The following PTPRD variants were observed in gnomAD, a reference collection of about 807,000 sequenced individuals.
PTPRD encodes protein tyrosine phosphatase receptor type D.
PTPRD carries 34 observed loss-of-function variants against 214.5 expected under a neutral mutation model. That is an observed-to-expected ratio of 0.16 (90% CI 0.12 to 0.21). The LOEUF is 0.21. Ranked by LOEUF, PTPRD falls within the 10% of genes least tolerant of loss-of-function variation. PTPRD has a pLI of 1.00. For synonymous variants in PTPRD, 1,128 were observed against 845.7 expected (o/e 1.33, Z -5.79); for missense variants, 2,545 against 2,398.7 (o/e 1.06, Z -1.27).
intron 11 of PTPRD, among the ~76,000 whole-genome samples, chr9:8,960,078 T>G (rs756664679): frequency 2.0e-5 from 3 of 152,060 alleles, no homozygotes; most frequent in Non-Finnish European, 2.9e-5. Flanking sequence ...TAGATGCCTT[T>G]TAGTTCATAT....
chr9:10,138,301 A>G (rs750776377), intron 3 of PTPRD, among the ~76,000 whole-genome samples: 1 of 152,118 alleles, frequency 6.6e-6, no homozygotes, highest in Non-Finnish European at 1.5e-5. Context: ...ACATGAATAC[A>G]TTCCTAGAAA....
At chr9:10,408,700 G>T (rs1008721417) in intron 2 of PTPRD, among the ~76,000 whole-genome samples, 1 of 151,676 alleles carries the variant, frequency 6.6e-6, no homozygotes, top group Non-Finnish European at 1.5e-5. Context: ...TACTGGTACT[G>T]TATTTATCGT....
chr9:9,164,775 G>T (rs1205699701), intron 10 of PTPRD, among the ~76,000 whole-genome samples: 1 of 152,046 alleles, frequency 6.6e-6, no homozygotes, highest in African/African-American at 2.4e-5. Context: ...CACTTTGGGA[G>T]GCTGAGGCGG....
At chr9:9,997,367 C>T (rs374526266) in intron 4 of PTPRD, among the ~76,000 whole-genome samples, 1 of 150,646 alleles carries the variant, frequency 6.6e-6, no homozygotes, top group South Asian at 2.1e-4. Context: ...CTCACCGCAA[C>T]CTCTGCCTCC....
chr9:9,638,674 T>C (rs954289754), intron 7 of PTPRD, among the ~76,000 whole-genome samples: 16 of 152,224 alleles, frequency 1.1e-4, no homozygotes, highest in African/African-American at 3.9e-4. Flanking sequence ...ACCACTTCTA[T>C]ATATTTAGGT....
In PTPRD at chr9:9,840,733, A is replaced by AGCCT. The variant is rs542155720; in HGVS notation, c.-367-73886_-367-73883dup. Among the ~76,000 whole-genome samples the AGCCT allele has an allele frequency of 5.0e-5, 6 of 119,594 alleles. No homozygotes were observed. The South Asian group carries it at 1.8e-3, about 36-fold the overall frequency. 78.5% of individuals were successfully genotyped at this position (119,594 alleles called of 152,430 possible). ...AGCCAAGATGGCACCACTGCACTCC[A>AGCCT]GCCTGGCGACAGAGCAAGACTCCGT... is the stretch of plus-strand genomic sequence containing the variant. On this transcript the variant is annotated intron_variant, in intron 5 of 45. Transcript: ENST00000381196.
At chr9:9,929,878 C>A (rs2085779886) in intron 5 of PTPRD, among the ~76,000 whole-genome samples, 1 of 152,186 alleles carries the variant, frequency 6.6e-6, no homozygotes, top group African/African-American at 2.4e-5. Context: ...TACAGCTGGT[C>A]TGTTTTCTTT....
At chr9:9,333,526 A>ATATATATATATATAT (rs1569567452) in intron 9 of PTPRD, among the ~76,000 whole-genome samples, 6 of 142,646 alleles carry the variant, frequency 4.2e-5, no homozygotes, top group African/African-American at 1.7e-4. Flanking sequence ...ATATATATAT[A>ATATATATATATATAT]AAGTCTGCAA....
At chr9:10,576,990 G>C (rs537954460) in intron 2 of PTPRD, among the ~76,000 whole-genome samples, 6 of 151,774 alleles carry the variant, frequency 4.0e-5, no homozygotes, top group Non-Finnish European at 7.4e-5. Context: ...ACATTTAAAG[G>C]GCTTGAAATA....
chr9:9,657,411 A>C (rs192396580), intron 7 of PTPRD, among the ~76,000 whole-genome samples: 27 of 152,238 alleles, frequency 1.8e-4, no homozygotes, highest in African/African-American at 6.3e-4. Context: ...GTGAGAACGC[A>C]TGGACACAGG....
At chr9:9,007,550 C>G (rs1000799443) in intron 11 of PTPRD, among the ~76,000 whole-genome samples, 3 of 151,788 alleles carry the variant, frequency 2.0e-5, no homozygotes, top group Non-Finnish European at 2.9e-5. Flanking sequence ...ATCAATATTT[C>G]TTTCTAATCA....
At chr9:9,616,531 G>A (rs1419998647) in intron 7 of PTPRD, among the ~76,000 whole-genome samples, 1 of 152,056 alleles carries the variant, frequency 6.6e-6, no homozygotes, top group African/African-American at 2.4e-5. Flanking sequence ...TAAATTTTAA[G>A]ATTGAAATAA....
intron 2 of PTPRD, among the ~76,000 whole-genome samples, chr9:10,383,669 A>T (rs769694902): frequency 6.6e-6 from 1 of 151,808 alleles, no homozygotes; most frequent in South Asian, 2.1e-4. Context: ...TTTCATCTGC[A>T]CCATTTCTAA....
intron 7 of PTPRD, among the ~76,000 whole-genome samples, chr9:9,647,883 G>A (rs559314591): frequency 6.6e-6 from 1 of 152,136 alleles, no homozygotes; most frequent in South Asian, 2.1e-4. Context: ...AGATCAAAAT[G>A]TTGCTCTGAG....
intron 2 of PTPRD, among the ~76,000 whole-genome samples, chr9:10,449,052 T>C (rs915065268): frequency 1.3e-5 from 2 of 150,926 alleles, no homozygotes; most frequent in Non-Finnish European, 2.9e-5. Context: ...TCTCTCCCTC[T>C]CCGTCTCCCA....
intron 11 of PTPRD, among the ~76,000 whole-genome samples, chr9:8,799,202 C>T (rs1319642666): frequency 1.3e-5 from 2 of 152,194 alleles, no homozygotes; most frequent in African/African-American, 4.8e-5. Flanking sequence ...TTTATTTACA[C>T]AGATAATTAT....
At chr9:8,579,569 C>T (rs939531761) in intron 14 of PTPRD, among the ~76,000 whole-genome samples, 10 of 152,092 alleles carry the variant, frequency 6.6e-5, no homozygotes, top group Admixed American at 5.2e-4. Context: ...CAGTGCCTGT[C>T]ATAAAAGAAG....
At chr9:8,596,305 G>A (rs964624594) in intron 14 of PTPRD, among the ~76,000 whole-genome samples, 7 of 151,808 alleles carry the variant, frequency 4.6e-5, no homozygotes, top group East Asian at 1.9e-4. Context: ...ATAAATATAC[G>A]CATTTATAAT....
intron 8 of PTPRD, among the ~76,000 whole-genome samples, chr9:9,443,381 G>T (rs988510869): frequency 2.6e-5 from 4 of 152,146 alleles, no homozygotes; most frequent in African/African-American, 9.7e-5. Flanking sequence ...CTTTTGTAGA[G>T]GATTAAGGAT....
Sources: gnomAD v4.1 joint callset for allele counts (sites outside exome capture counted in the v4.1 genomes callset) on GRCh38, gnomAD v4.1.1 for gene constraint, MANE v1.5 for transcripts, NCBI Gene and HGNC (gene_info 2026-07-23, HGNC 2026-07-21) for gene names.